SEMA3C: variants seen among roughly 807,000 people sequenced by gnomAD.
SEMA3C encodes semaphorin-3C.
SEMA3C carries 47 observed loss-of-function variants against 89.4 expected under a neutral mutation model. The observed-to-expected ratio is 0.53, with a 90% CI of 0.42 to 0.67. The LOEUF is 0.67. SEMA3C is among the 30% of genes least tolerant of loss of function. The pLI, the probability that SEMA3C is intolerant of heterozygous loss-of-function variation, is 0.00. For missense variants in SEMA3C, 839 were observed against 929.1 expected, an observed-to-expected ratio of 0.90 and a Z score of 1.26; for synonymous variants, 310 against 320.2, an observed-to-expected ratio of 0.97 and a Z score of 0.34.
intron 5 of SEMA3C, among the ~76,000 whole-genome samples, chr7:80,813,922 A>G (rs1789533763): frequency 1.3e-5 from 2 of 152,174 alleles, no homozygotes; most frequent in Admixed American, 1.3e-4. Flanking sequence ...CAATTATGGT[A>G]CAAAACTCAG....
intron 3 of SEMA3C, 46 bp from the exon 4 acceptor site, chr7:80,827,533 AT>A: frequency 2.0e-6 from 3 of 1,493,280 alleles, no homozygotes; most frequent in Non-Finnish European, 2.7e-6. Context: ...ACCTGGACAT[AT>A]GACAGCCCAG....
chr7:80,787,245 A>G (rs764027091), intron 12 of SEMA3C, among the ~76,000 whole-genome samples: 1 of 152,036 alleles, frequency 6.6e-6, no homozygotes, highest in Non-Finnish European at 1.5e-5. Context: ...TACAAAAATT[A>G]GCTGGGCATG....
At chr7:80,898,429 TTGAAGA>T (rs1415210381) in intron 2 of SEMA3C, among the ~76,000 whole-genome samples, 1 of 152,072 alleles carries the variant, frequency 6.6e-6, no homozygotes, top group Non-Finnish European at 1.5e-5. Context: ...ATAATTCTTA[TTGAAGA>T]TGAGTAACAC....
At chr7:80,879,258 A>G (rs1431961233) in intron 2 of SEMA3C, among the ~76,000 whole-genome samples, 1 of 152,224 alleles carries the variant, frequency 6.6e-6, no homozygotes, top group Admixed American at 6.5e-5. Flanking sequence ...ACATTAATGG[A>G]AAATGGAAAT....
intron 12 of SEMA3C, among the ~76,000 whole-genome samples, chr7:80,785,835 C>T (rs1369029884): frequency 1.3e-5 from 2 of 152,140 alleles, no homozygotes; most frequent in Non-Finnish European, 2.9e-5. Context: ...CTCAAACTCC[C>T]GACCTCAGGT....
intron 2 of SEMA3C, among the ~76,000 whole-genome samples, chr7:80,848,725 G>A (rs1180711080): frequency 1.3e-5 from 2 of 152,062 alleles, no homozygotes; most frequent in Non-Finnish European, 2.9e-5. Context: ...AAATTTTCTT[G>A]AGAGCATCTT....
At chr7:80,771,897 T>C (rs1007277710) in intron 12 of SEMA3C, among the ~76,000 whole-genome samples, 2 of 152,128 alleles carry the variant, frequency 1.3e-5, no homozygotes, top group African/African-American at 4.8e-5. Flanking sequence ...CTCCTAGGTG[T>C]CAGCCTAGGC....
intron 14 of SEMA3C, 141 bp from the exon 15 acceptor site, chr7:80,758,629 G>A: frequency 1.3e-6 from 1 of 785,898 alleles, no homozygotes; most frequent in Non-Finnish European, 2.1e-6. Flanking sequence ...GCACAGAAGG[G>A]TATGAAGCCA....
Position 80,742,711 on chromosome 7 carries a change from T to TATTTCTAG in SEMA3C, c.*2175_*2182dup, listed in dbSNP as rs1472404266. 3 of 152,044 alleles carry TATTTCTAG rather than the reference T, an allele frequency of 2.0e-5. No individual in the cohort carries two copies. The East Asian group carries it at 5.8e-4, about 29-fold the overall frequency. The allele number at this position is 152,044 out of a possible 1,614,324, so 9.4% of individuals were successfully genotyped here. A position where few individuals can be genotyped will look rare whatever the true frequency, so the allele number is the denominator to read the frequency against. On this transcript the variant is annotated 3_prime_UTR_variant, in exon 18 of 18. Coordinates refer to ENST00000265361, the MANE Select transcript of SEMA3C (RefSeq NM_006379.5). Reference sequence around the variant, plus strand: ...CAAACTTACACTTTGGAAAAAAGTGTATTTCTAGAAAATTTTATGTACAAT... The same window carrying TATTTCTAG: ...CAAACTTACACTTTGGAAAAAAGTGTATTTCTAGATTTCTAGAAAATTTTATGTACAAT...
At chr7:80,866,850 A>G (rs1391791368) in intron 2 of SEMA3C, among the ~76,000 whole-genome samples, 1 of 152,204 alleles carries the variant, frequency 6.6e-6, no homozygotes, top group Non-Finnish European at 1.5e-5. Flanking sequence ...GCTTCCCATA[A>G]AAGGTAAGTT....
chr7:80,865,503 C>G (rs1031186048), intron 2 of SEMA3C, among the ~76,000 whole-genome samples: 1 of 152,016 alleles, frequency 6.6e-6, no homozygotes, highest in African/African-American at 2.4e-5. Flanking sequence ...GAATGCATAT[C>G]AAGTCCGGGT....
chr7:80,897,162 A>G (rs1791758725), intron 2 of SEMA3C, among the ~76,000 whole-genome samples: 2 of 152,238 alleles, frequency 1.3e-5, no homozygotes, highest in South Asian at 4.1e-4. Flanking sequence ...TTAGAAAAAT[A>G]AAGATCTAAA....
chr7:80,766,576 A>G (rs988269787), intron 12 of SEMA3C, among the ~76,000 whole-genome samples: 9 of 152,154 alleles, frequency 5.9e-5, no homozygotes, highest in African/African-American at 2.2e-4. Context: ...TGCTCCCACA[A>G]TGTGGAGTGT....
chr7:80,901,407 G>C (rs1202801711), intron 2 of SEMA3C, among the ~76,000 whole-genome samples: 3 of 152,166 alleles, frequency 2.0e-5, no homozygotes, highest in African/African-American at 7.2e-5. Context: ...TTGACACACA[G>C]AGAGTTGTAG....
intron 2 of SEMA3C, among the ~76,000 whole-genome samples, chr7:80,883,999 T>C (rs1287282892): frequency 1.3e-5 from 2 of 152,220 alleles, no homozygotes; most frequent in African/African-American, 4.8e-5. Flanking sequence ...GTCACTGTCA[T>C]GGCCACTTTA....
At chr7:80,753,924 TTTTGTTTG>T (rs150994998) in intron 15 of SEMA3C, among the ~76,000 whole-genome samples, 205 of 151,106 alleles carry the variant, frequency 1.4e-3, no homozygotes, top group African/African-American at 4.2e-3. Context: ...TTTACTAGAG[TTTTGTTTG>T]TTTGTTTGTT....
rs780977149 is a variant in SEMA3C at position 80,745,265 on chromosome 7, G to C, written c.1885C>G (p.Leu629Val). 1.2e-5 allele frequency: 20 copies of C among 1,613,840 alleles called. No homozygotes were observed. In the African/African-American group the frequency reaches 2.5e-4, roughly 20 times the overall value. The change falls in exon 18 of 18, where the codon CTG becomes GTG. Residue 629 changes from leucine to valine, a missense_variant. Physicochemically the swap from Leu to Val is conservative, Grantham distance 32. Coordinates refer to ENST00000265361, the MANE Select transcript of SEMA3C (RefSeq NM_006379.5). Reference sequence around the variant, plus strand: ...TCAGAACCCTGAACAGAGCGGATCAGGAGTCCCTGTGAAGTGGCTATTATT... The same window carrying C: ...TCAGAACCCTGAACAGAGCGGATCACGAGTCCCTGTGAAGTGGCTATTATT... ...ERIIATSQGL[L>V]IRSVQGSDQG...
chr7:80,745,949 G>T (rs566226543), intron 17 of SEMA3C, among the ~76,000 whole-genome samples: 1 of 152,186 alleles, frequency 6.6e-6, no homozygotes, highest in South Asian at 2.1e-4. Flanking sequence ...ACAAGGAAAG[G>T]TAATAAAAAG....
At chr7:80,863,947 GTA>G (rs1206606014) in intron 2 of SEMA3C, among the ~76,000 whole-genome samples, 1 of 121,372 alleles carries the variant, frequency 8.2e-6, no homozygotes, top group Non-Finnish European at 1.6e-5. Context: ...TATATAATAT[GTA>G]TATCACATGT....
Sources: gnomAD v4.1 joint callset for allele counts (sites outside exome capture counted in the v4.1 genomes callset) on GRCh38, gnomAD v4.1.1 for gene constraint, MANE v1.5 for transcripts, NCBI Gene and HGNC (gene_info 2026-07-23, HGNC 2026-07-21) for gene names.